The following DOCK2 variants were observed in gnomAD, a reference collection of about 807,000 sequenced individuals.
The protein encoded by DOCK2 is dedicator of cytokinesis protein 2.
DOCK2 carries 87 observed loss-of-function variants against 248.9 expected under a neutral mutation model. The observed-to-expected ratio is 0.35, with a 90% CI of 0.29 to 0.42. The LOEUF (loss-of-function observed/expected upper bound fraction) is 0.42, where lower values mean the gene tolerates loss of function less well. DOCK2 is among the 10% of genes least tolerant of loss of function. The pLI, the probability that DOCK2 is intolerant of heterozygous loss-of-function variation, is 1.00. For missense variants in DOCK2, 1,747 were observed against 2,300.2 expected (o/e 0.76, Z 4.92); for synonymous variants, 805 against 821.6 (o/e 0.98, Z 0.35).
rs117001103 is a variant in DOCK2 at position 169,743,235 on chromosome 5, A to C, written c.2268-4161A>C. Among the ~76,000 whole-genome samples the C allele has an allele frequency of 3.9e-5, 6 of 152,224 alleles. No homozygotes were observed. The East Asian group carries it at 1.2e-3, about 29-fold the overall frequency. On this transcript the variant is annotated intron_variant, in intron 22 of 51. Coordinates refer to ENST00000520908, the MANE Select transcript of DOCK2 (RefSeq NM_004946.3). Reference sequence around the variant, plus strand: ...GGTTATTTCTTCCTTGTAATCTAAAACCCTTATGAATTTTTTTCCTTAGTC... The same window carrying C: ...GGTTATTTCTTCCTTGTAATCTAAACCCCTTATGAATTTTTTTCCTTAGTC...
intron 2 of DOCK2, among the ~76,000 whole-genome samples, chr5:169,658,899 A>G (rs1249541540): frequency 6.6e-6 from 1 of 151,750 alleles, no homozygotes; most frequent in Non-Finnish European, 1.5e-5. Context: ...GAAGAATAAA[A>G]TAACAATCAC....
At chr5:170,054,642 A>C (rs1310291209) in intron 41 of DOCK2, among the ~76,000 whole-genome samples, 1 of 152,238 alleles carries the variant, frequency 6.6e-6, no homozygotes, top group East Asian at 1.9e-4. Flanking sequence ...ATTCTATAGC[A>C]GTGCTTCACA....
intron 15 of DOCK2, among the ~76,000 whole-genome samples, chr5:169,709,232 C>T (rs888180008): frequency 3.3e-5 from 5 of 152,196 alleles, no homozygotes; most frequent in African/African-American, 1.2e-4. Flanking sequence ...CACCCCTCTA[C>T]AGGCAGTCTA....
Position 169,714,251 on chromosome 5 carries a change from T to C in DOCK2, c.1843+40T>C. 1.9e-6 allele frequency: 3 copies of C among 1,601,288 alleles called. No homozygotes were observed. In the East Asian group the frequency reaches 6.7e-5, roughly 36 times the overall value. On this transcript the variant is annotated intron_variant, in intron 18 of 51. Transcript: ENST00000520908. ...AAGAGTTGTGTCTGTGGGGAGTGTG[T>C]GTGTCCGTGTGTGTGTACATGTGTG...
chr5:169,732,018 C>T (rs1019279345), intron 22 of DOCK2, among the ~76,000 whole-genome samples: 5 of 152,144 alleles, frequency 3.3e-5, no homozygotes, highest in Admixed American at 3.3e-4. Flanking sequence ...ACTCGGGAAG[C>T]TGAGGCAGGA....
At chr5:170,029,322 T>A (rs1214051945) in intron 34 of DOCK2, among the ~76,000 whole-genome samples, 6 of 152,264 alleles carry the variant, frequency 3.9e-5, no homozygotes, top group African/African-American at 1.2e-4. Flanking sequence ...ATTTCCGCGA[T>A]GTGTAGAATT....
In DOCK2 at chr5:170,056,730, G is replaced by A. The variant is rs200408270; in HGVS notation, c.4342G>A (p.Val1448Met). 2.6e-5 allele frequency: 42 copies of A among 1,613,990 alleles called. No homozygotes were observed. The highest frequency in any genetic ancestry group is 3.3e-5 in the Admixed American group (2 of 60,006). The change falls in exon 43 of 52, where the codon GTG (valine) becomes ATG (methionine). Residue 1448 changes from valine (V) to methionine (M), a missense_variant. By Grantham distance (21) the Val-to-Met change is conservative. Coordinates refer to ENST00000520908, the MANE Select transcript of DOCK2 (RefSeq NM_004946.3). ...YVQRFHYSRPVRRGTVDPENE... is the reference protein window; with the variant it reads ...YVQRFHYSRPMRRGTVDPENE... ...GCAAAGGTTCCACTACTCCCGGCCC[G>A]TGCGCAGGGGGACCGTAGACCCAGA...
chr5:169,676,135 G>C (rs1020482862), intron 6 of DOCK2, among the ~76,000 whole-genome samples: 1 of 152,186 alleles, frequency 6.6e-6, no homozygotes, highest in African/African-American at 2.4e-5. Context: ...GGAAGAAGTG[G>C]TCACTACTCA....
At chr5:170,062,378 G>A (rs1484022203) in intron 44 of DOCK2, among the ~76,000 whole-genome samples, 3 of 152,106 alleles carry the variant, frequency 2.0e-5, no homozygotes, top group African/African-American at 7.2e-5. Flanking sequence ...AATTCCCTCT[G>A]AGAGAAACTC....
intron 27 of DOCK2, among the ~76,000 whole-genome samples, chr5:169,861,412 A>G (rs1771188269): frequency 6.6e-6 from 1 of 152,248 alleles, no homozygotes. Flanking sequence ...GGTGCTCTAT[A>G]GATGAGCTGG....
rs146937757 is a variant in DOCK2 at position 169,645,680 on chromosome 5, A to T, written c.43+8311A>T. Among the ~76,000 whole-genome samples, 845 of 152,296 alleles carry T rather than the reference A, an allele frequency of 5.5e-3. 9 individuals carry two copies. The highest frequency in any genetic ancestry group is 0.02 in the African/African-American group (816 of 41,566). On this transcript the variant is annotated intron_variant, in intron 1 of 51. Coordinates refer to ENST00000520908, the MANE Select transcript of DOCK2 (RefSeq NM_004946.3). ...TGCAATTGCTTTTGGTGTTTTTGTC[A>T]TGAAGTCTTTGCCCATGCATATGTC...
At chr5:169,916,829 G>A (rs1774898242) in intron 27 of DOCK2, among the ~76,000 whole-genome samples, 1 of 152,202 alleles carries the variant, frequency 6.6e-6, no homozygotes, top group Non-Finnish European at 1.5e-5. Context: ...GAAAACTGGA[G>A]TGTAGAAATG....
chr5:169,807,088 C>T (rs946064194), intron 26 of DOCK2, among the ~76,000 whole-genome samples: 4 of 152,170 alleles, frequency 2.6e-5, no homozygotes, highest in South Asian at 4.2e-4. Flanking sequence ...GCTTGCAAAG[C>T]GACTGAGAAG....
At chr5:169,672,214 G>A (rs1759087324) in intron 5 of DOCK2, among the ~76,000 whole-genome samples, 1 of 151,856 alleles carries the variant, frequency 6.6e-6, no homozygotes, top group Admixed American at 6.6e-5. Flanking sequence ...CATCATGTTG[G>A]TCAGGCTGGC....
At chr5:169,861,149 C>T (rs12652157) in intron 27 of DOCK2, among the ~76,000 whole-genome samples, 2 of 152,122 alleles carry the variant, frequency 1.3e-5, no homozygotes, top group Non-Finnish European at 2.9e-5. Context: ...CATCGTGACA[C>T]TAAGTTCTGA....
At chr5:169,879,678 G>T (rs1772526468) in intron 27 of DOCK2, among the ~76,000 whole-genome samples, 1 of 152,184 alleles carries the variant, frequency 6.6e-6, no homozygotes. Context: ...ATGTTGGAAG[G>T]TCATAGTTTA....
At chr5:169,952,206 C>G (rs192926701) in intron 27 of DOCK2, among the ~76,000 whole-genome samples, 2 of 152,332 alleles carry the variant, frequency 1.3e-5, no homozygotes, top group East Asian at 3.9e-4. Flanking sequence ...AGAATTCACT[C>G]TAACCGAGCT....
At chr5:169,737,160 T>C (rs918831226) in intron 22 of DOCK2, among the ~76,000 whole-genome samples, 1 of 152,142 alleles carries the variant, frequency 6.6e-6, no homozygotes, top group African/African-American at 2.4e-5. Context: ...AGCTGTGACC[T>C]GAATGATGAG....
chr5:169,861,727 C>T (rs1771210424), intron 27 of DOCK2, among the ~76,000 whole-genome samples: 1 of 152,044 alleles, frequency 6.6e-6, no homozygotes, highest in Non-Finnish European at 1.5e-5. Context: ...TAGAGACGAC[C>T]ATTTTTGTTC....
Sources: gnomAD v4.1 joint callset for allele counts (sites outside exome capture counted in the v4.1 genomes callset) on GRCh38, gnomAD v4.1.1 for gene constraint, MANE v1.5 for transcripts, NCBI Gene and HGNC (gene_info 2026-07-23, HGNC 2026-07-21) for gene names.